PTPN14: variants seen among roughly 807,000 people sequenced by gnomAD.
PTPN14 encodes tyrosine-protein phosphatase non-receptor type 14.
A neutral mutation model predicts 126.8 loss-of-function variants in PTPN14; 53 were observed. The observed-to-expected ratio is 0.42, with a 90% CI of 0.34 to 0.53. The LOEUF is 0.53. PTPN14 is among the 20% of genes least tolerant of loss of function. The pLI, the probability that PTPN14 is intolerant of heterozygous loss-of-function variation, is 0.08. For synonymous variants in PTPN14, 630 were observed against 599.3 expected (o/e 1.05, Z -0.75); for missense variants, 1,257 against 1,552.9 (o/e 0.81, Z 3.20).
chr1:214,533,272 C>T (rs1655601549), intron 1 of PTPN14: 1 of 607,928 alleles, frequency 1.6e-6, no homozygotes, highest in East Asian at 3.8e-5. Context: ...GTGCGAGGCC[C>T]TGCTGAACAT....
At position 214,506,696 on chromosome 1, in the gene PTPN14, G is replaced by A. The variant is rs1249802259; in HGVS notation, c.-154-41739C>T. 2.6e-5 allele frequency among the ~76,000 whole-genome samples: 4 copies of A among 152,288 alleles called. No individual in the cohort carries two copies. In the East Asian group the frequency reaches 7.7e-4, roughly 29 times the overall value. ...CAATGCTCATTAACCAGGGATACAG[G>A]TGGCTCTCTCCCTGGAGTCAGCCAT... On this transcript the variant is annotated intron_variant, in intron 1 of 18. Coordinates refer to ENST00000366956, the MANE Select transcript of PTPN14 (RefSeq NM_005401.5).
chr1:214,418,303 T>C (rs1659470531), intron 3 of PTPN14, among the ~76,000 whole-genome samples: 1 of 152,206 alleles, frequency 6.6e-6, no homozygotes, highest in Non-Finnish European at 1.5e-5. Flanking sequence ...AAACCTTTGT[T>C]TGTGAAAGCC....
chr1:214,518,301 C>T (rs1157613576), intron 1 of PTPN14, among the ~76,000 whole-genome samples: 2 of 152,138 alleles, frequency 1.3e-5, no homozygotes, highest in East Asian at 1.9e-4. Flanking sequence ...CTCTATTCGC[C>T]ACTACTAATA....
chr1:214,472,431 G>T (rs554806462), intron 1 of PTPN14, among the ~76,000 whole-genome samples: 1 of 152,272 alleles, frequency 6.6e-6, no homozygotes, highest in South Asian at 2.1e-4. Context: ...CATGCTTCCT[G>T]TACAGCCTGC....
intron 3 of PTPN14, among the ~76,000 whole-genome samples, chr1:214,418,942 G>C (rs1457096366): frequency 6.6e-6 from 1 of 152,190 alleles, no homozygotes; most frequent in Non-Finnish European, 1.5e-5. Context: ...TCTGATTGTA[G>C]GCTCCCATCT....
intron 1 of PTPN14, among the ~76,000 whole-genome samples, chr1:214,516,311 C>T (rs1281493168): frequency 6.6e-6 from 1 of 152,174 alleles, no homozygotes; most frequent in Non-Finnish European, 1.5e-5. Flanking sequence ...TCAGTGCCAA[C>T]AATGCAAGAG....
chr1:214,410,536 C>G (rs1659283773), intron 5 of PTPN14, among the ~76,000 whole-genome samples: 1 of 152,144 alleles, frequency 6.6e-6, no homozygotes, highest in African/African-American at 2.4e-5. Flanking sequence ...TGTGATCCGG[C>G]CGCCTAGGCC....
At chr1:214,524,877 C>A (rs532844261) in intron 1 of PTPN14, among the ~76,000 whole-genome samples, 32 of 152,158 alleles carry the variant, frequency 2.1e-4, no homozygotes, top group African/African-American at 7.5e-4. Context: ...ATTTCCAGCC[C>A]AGAATTTGAA....
At position 214,465,949 on chromosome 1, in the gene PTPN14, T is replaced by G. The variant is rs1317143107; in HGVS notation, c.-154-992A>C. Among the ~76,000 whole-genome samples the G allele has an allele frequency of 8.4e-5, 10 of 118,630 alleles. 1 individual carries two copies. Among genetic ancestry groups the G allele is most frequent in the Non-Finnish European group, 1.5e-4 (9 of 59,128 alleles). The allele number at this position is 118,630 out of a possible 152,430, so 77.8% of individuals were successfully genotyped here. ...TATGCATTTAATATAATCAGTTACT[T>G]CCTTTTTTTTTTTTTTTTTTTTGTG... On this transcript the variant is annotated intron_variant, in intron 1 of 18. Transcript: ENST00000366956.
At chr1:214,485,664 T>C (rs1300798149) in intron 1 of PTPN14, among the ~76,000 whole-genome samples, 2 of 152,104 alleles carry the variant, frequency 1.3e-5, no homozygotes, top group African/African-American at 4.8e-5. Context: ...GGAGAGTTTC[T>C]GTACTGCGCC....
chr1:214,381,928 G>A (rs765561420), intron 13 of PTPN14, among the ~76,000 whole-genome samples: 19 of 152,030 alleles, frequency 1.2e-4, no homozygotes, highest in Non-Finnish European at 2.5e-4. Context: ...TTTCTGAGAC[G>A]GGGTCTTGCT....
At position 214,484,485 on chromosome 1, in the gene PTPN14, G is replaced by A. The variant is rs542661762; in HGVS notation, c.-154-19528C>T. Among the ~76,000 whole-genome samples, 209 of 152,250 alleles carry A rather than the reference G, an allele frequency of 1.4e-3. 1 individual carries two copies. Among genetic ancestry groups the A allele is most frequent in the African/African-American group, 5.0e-3 (206 of 41,532 alleles). ...GGCTGAGTTAAAGTGGTAAAATGCAGGTGTTCCCATTTTTTCCCCAACTGA... is the reference window on the plus strand; with the variant it reads ...GGCTGAGTTAAAGTGGTAAAATGCAAGTGTTCCCATTTTTTCCCCAACTGA... On this transcript the variant is annotated intron_variant, in intron 1 of 18. Transcript: ENST00000366956.
In PTPN14 at chr1:214,464,758, G is replaced by C; in HGVS notation, c.46C>G (p.Leu16Val). 1.2e-6 allele frequency: 2 copies of C among 1,614,288 alleles called. No homozygotes were observed. Among genetic ancestry groups the C allele is most frequent in the Non-Finnish European group, 1.7e-6 (2 of 1,180,054 alleles). ...KLRRTRRYNV[L>V]SKNCFVTRIR... ...CGTGTGACAAAGCAGTTCTTGCTCA[G>C]GACGTTGTAGCGCCGTGTCCGGCGG... The change falls in exon 2 of 19, where the codon CTG (leucine) becomes GTG (valine). Residue 16 changes from leucine (L) to valine (V), a missense_variant. Physicochemically the swap from Leu to Val is conservative, Grantham distance 32. Around this residue, in one of 3 missense-constraint regions of PTPN14, gnomAD observed 1,021 missense variants for 1,183.3 expected, o/e 0.86. Coordinates refer to ENST00000366956, the MANE Select transcript of PTPN14 (RefSeq NM_005401.5).
intron 7 of PTPN14, among the ~76,000 whole-genome samples, chr1:214,400,826 G>A (rs529644542): frequency 9.9e-5 from 15 of 152,184 alleles, no homozygotes; most frequent in African/African-American, 3.4e-4. Context: ...TGAAAGCTGC[G>A]GCCACCCTGC....
chr1:214,380,645 C>T (rs1658451157), intron 13 of PTPN14, among the ~76,000 whole-genome samples: 2 of 152,214 alleles, frequency 1.3e-5, no homozygotes, highest in African/African-American at 4.8e-5. Flanking sequence ...CCGCCAGCCC[C>T]TGAGTTTTCT....
chr1:214,401,057 A>G (rs988909970), intron 7 of PTPN14, among the ~76,000 whole-genome samples: 2 of 152,068 alleles, frequency 1.3e-5, no homozygotes, highest in African/African-American at 4.8e-5. Flanking sequence ...GAGAGTGGAA[A>G]ATGAGTTTGG....
chr1:214,387,607 G>A (rs981478935), intron 11 of PTPN14, among the ~76,000 whole-genome samples: 1 of 151,670 alleles, frequency 6.6e-6, no homozygotes, highest in Non-Finnish European at 1.5e-5. Flanking sequence ...GAACCTGGGC[G>A]GCGGAGGTTG....
chr1:214,464,862 CTT>C lies in PTPN14; in HGVS notation c.-61_-60del. 6.3e-7 allele frequency: 1 copy of C among 1,586,970 alleles called. No individual in the cohort carries two copies. The highest frequency in any genetic ancestry group is 8.6e-7 in the Non-Finnish European group (1 of 1,161,030). On this transcript the variant is annotated 5_prime_UTR_variant, in exon 2 of 19. An upstream open reading frame in the 5' UTR loses its in-frame stop. Coordinates refer to ENST00000366956, the MANE Select transcript of PTPN14 (RefSeq NM_005401.5). The stretch of plus-strand genomic sequence containing the variant: ...CTGGCGCACACGCCCCTGAGATGGC[CTT>C]AGCAGTTTCGTGACTGGAAAATTAC...
At chr1:214,444,087 T>TA (rs1369886459) in intron 3 of PTPN14, among the ~76,000 whole-genome samples, 3 of 152,120 alleles carry the variant, frequency 2.0e-5, no homozygotes, top group Non-Finnish European at 4.4e-5. Context: ...AAGGTTGAAA[T>TA]AAAAAACAAT....
Sources: gnomAD v4.1 joint callset for allele counts (sites outside exome capture counted in the v4.1 genomes callset) on GRCh38, gnomAD v4.1.1 for gene constraint, gnomAD v4.1.1 regional missense constraint, MANE v1.5 for transcripts, NCBI Gene and HGNC (gene_info 2026-07-23, HGNC 2026-07-21) for gene names.